The following DND1 variants were observed in gnomAD, a reference collection of about 807,000 sequenced individuals.
DND1 encodes DND microRNA-mediated repression inhibitor 1.
A neutral mutation model predicts 30.4 loss-of-function variants in DND1; 6 were observed. The observed-to-expected ratio is 0.20, with a 90% CI of 0.11 to 0.39. The LOEUF is 0.39. DND1 is among the 10% of genes least tolerant of loss of function. The pLI, the probability that DND1 is intolerant of heterozygous loss-of-function variation, is 1.00. For missense variants in DND1, 358 were observed against 474.9 expected (o/e 0.75, Z 2.29); for synonymous variants, 178 against 210.4 (o/e 0.85, Z 1.33).
In DND1 at chr5:140,671,948, A is replaced by C. The variant is rs987232339; in HGVS notation, c.605-198T>G. ...GAGTATAACACACTGCTACCTTACA[A>C]GTTTCCTTGGAGAAGTACTGGTTAA... On this transcript the variant is annotated intron_variant, in intron 3 of 3. Transcript: ENST00000542735. 6.2e-5 allele frequency: 40 copies of C among 643,618 alleles called. 1 individual carries two copies. The African/African-American group carries it at 6.4e-4, about 10-fold the overall frequency. The allele number at this position is 643,618 out of a possible 1,614,324, so 39.9% of individuals were successfully genotyped here. A position where few individuals can be genotyped will look rare whatever the true frequency, so the allele number is the denominator to read the frequency against.
At chr5:140,673,079 C>A (rs1758137100) in intron 2 of DND1, 173 bp from the exon 3 acceptor site, 1 of 1,001,782 alleles carries the variant, frequency 1.0e-6, no homozygotes, top group Admixed American at 1.8e-5. Flanking sequence ...AGGGGGCTGG[C>A]ACAGAGTAGG....
chr5:140,671,951 T>C, intron 3 of DND1: 1 of 638,730 alleles, frequency 1.6e-6, no homozygotes. Context: ...CCTTACAAGT[T>C]TCCTTGGAGA....
chr5:140,673,128 T>G (rs1581496888), intron 2 of DND1, 143 bp downstream of exon 2: 3 of 1,069,732 alleles, frequency 2.8e-6, no homozygotes, highest in South Asian at 1.3e-5. Flanking sequence ...ACGGGGCGGG[T>G]GGACGTGGAG....
chr5:140,672,486 G>C lies in DND1; in HGVS notation c.563C>G (p.Ser188Trp), dbSNP rs1280463906. 6.9e-6 allele frequency: 11 copies of C among 1,604,464 alleles called. No individual in the cohort carries two copies. Among genetic ancestry groups the C allele is most frequent in the Non-Finnish European group, 8.5e-7 (1 of 1,177,698 alleles). The stretch of plus-strand genomic sequence containing the variant: ...TTTGGCCATGGCAGCGGCCCGGTGC[G>C]AGCTGAATTTGAGCAGAGCGATCTG... ...PGQIALLKFSSHRAAAMAKKA... is the reference protein window; with the variant it reads ...PGQIALLKFSWHRAAAMAKKA... The change falls in exon 3 of 4, where the codon TCG becomes TGG. Residue 188 changes from serine (S) to tryptophan (W), a missense_variant. Transcript: ENST00000542735.
Position 140,671,341 on chromosome 5 carries a change from GT to G in DND1, c.1013del (p.Asn338ThrfsTer26). Reference protein sequence around the residue: ...LLQALSESGANLLWSAGAEAG... With the variant: ...LLQALSESGAXLLWSAGAEAG... ...CCTCAGCCCCAGCAGACCACAGGAGGTTGGCCCCAGACTCACTGAGTGCCTG... is the reference window on the plus strand; with the variant it reads ...CCTCAGCCCCAGCAGACCACAGGAGGTGGCCCCAGACTCACTGAGTGCCTG... On this transcript the variant is annotated frameshift_variant, in exon 4 of 4. Coordinates refer to ENST00000542735, the MANE Select transcript of DND1 (RefSeq NM_194249.3). LOFTEE classifies it high-confidence loss of function. 6.4e-7 allele frequency: 1 copy of G among 1,573,104 alleles called. No individual in the cohort carries two copies. Among genetic ancestry groups the G allele is most frequent in the Non-Finnish European group, 8.7e-7 (1 of 1,146,522 alleles).
At chr5:140,671,852 C>G (rs1758085136) in intron 3 of DND1, 102 bp from the exon 4 acceptor site, 1 of 1,299,388 alleles carries the variant, frequency 7.7e-7, no homozygotes, top group African/African-American at 1.5e-5. Flanking sequence ...TTGTAGCCTT[C>G]CCATTTCCTG....
Position 140,672,649 on chromosome 5 carries a change from T to C in DND1, c.400A>G (p.Ser134Gly). Residue 134 changes from serine to glycine, a missense_variant, in exon 3 of 4, where the codon AGC becomes GGC. This residue lies in a region of DND1 where 120 missense variants were observed against 199.1 expected (regional missense o/e 0.60). Transcript: ENST00000542735. ...ACGCTCAGCTCACACTTCTCGGTGC[T>C]GCGGCACACGAGCAGCGGGCAGGAC... Reference protein sequence around the residue: ...RPSCPLLVCRSTEKCELSVDG... With the variant: ...RPSCPLLVCRGTEKCELSVDG... 1 of 1,572,896 alleles carries C rather than the reference T, an allele frequency of 6.4e-7. No individual in the cohort carries two copies. The highest frequency in any genetic ancestry group is 8.6e-7 in the Non-Finnish European group (1 of 1,167,758).
chr5:140,673,198 A>G, intron 2 of DND1, 73 bp downstream of exon 2: 2 of 1,525,904 alleles, frequency 1.3e-6, no homozygotes. Flanking sequence ...TCTGACAGTG[A>G]AGGCTCGGAG....
rs1407644381 is a variant in DND1 at position 140,672,871 on chromosome 5, C to T, written c.178G>A (p.Val60Met). 1.3e-6 allele frequency: 2 copies of T among 1,541,284 alleles called. No homozygotes were observed. Among genetic ancestry groups the T allele is most frequent in the Non-Finnish European group, 1.7e-6 (2 of 1,149,048 alleles). ...TCCTGAGGCAGCCGCCCGATGAACA[C>T]CTCTGACCCAGCTGGCGGCGGGCTG... is the stretch of plus-strand genomic sequence containing the variant. ...VGSPPPAGSE[V>M]FIGRLPQDVY... The change falls in exon 3 of 4, where the codon GTG becomes ATG. Residue 60 changes from valine (V) to methionine (M), a missense_variant. Physicochemically the swap from Val to Met is conservative, Grantham distance 21. Around this residue, in one of 3 missense-constraint regions of DND1, gnomAD observed 120 missense variants for 199.1 expected, o/e 0.60. Coordinates refer to ENST00000542735, the MANE Select transcript of DND1 (RefSeq NM_194249.3).
chr5:140,671,102 C>G lies in DND1; in HGVS notation c.*191G>C, dbSNP rs73791745. ...GGGAGCGGGAGGGCAAGGCCCCTCA[C>G]CACAACTTAACCCAAACCTAAGCTG... On this transcript the variant is annotated 3_prime_UTR_variant, in exon 4 of 4. Transcript: ENST00000542735. The G allele has an allele frequency of 2.2e-3, 1,639 of 730,394 alleles. 16 individuals carry two copies. The African/African-American group carries it at 0.027, about 12-fold the overall frequency. 45.2% of individuals were successfully genotyped at this position (730,394 alleles called of 1,614,324 possible).
Position 140,671,488 on chromosome 5 carries a change from C to T in DND1, c.867G>A (p.Trp289Ter), listed in dbSNP as rs1416886356. Residue 289 changes from tryptophan (W) to a stop codon, truncating the protein, a stop_gained, in exon 4 of 4, where the codon TGG becomes TGA. Coordinates refer to ENST00000542735, the MANE Select transcript of DND1 (RefSeq NM_194249.3). LOFTEE classifies it high-confidence loss of function. Reference sequence around the variant, plus strand: ...GATGCCCAGGAATCACCACCTGGTACCAGAAGCGGTGCCAGCCAGCAGGTC... The same window carrying T: ...GATGCCCAGGAATCACCACCTGGTATCAGAAGCGGTGCCAGCCAGCAGGTC... ...GIGPAGWHRF[W>*]YQVVIPGHPV... 1 of 1,600,218 alleles carries T rather than the reference C, an allele frequency of 6.2e-7. No homozygotes were observed. Among genetic ancestry groups the T allele is most frequent in the African/African-American group, 1.3e-5 (1 of 74,448 alleles).
At chr5:140,673,444 C>T (rs1328000954) in intron 1 of DND1, 56 bp from the exon 2 acceptor site, 1 of 1,613,628 alleles carries the variant, frequency 6.2e-7, no homozygotes, top group East Asian at 2.2e-5. Context: ...CCCACCTCTC[C>T]TGTGGTACTG....
In DND1 at chr5:140,671,228, G is replaced by A; in HGVS notation, c.*65C>T. 2 of 1,602,148 alleles carry A rather than the reference G, an allele frequency of 1.2e-6. No individual in the cohort carries two copies. Among genetic ancestry groups the A allele is most frequent in the African/African-American group, 1.3e-5 (1 of 74,876 alleles). On this transcript the variant is annotated 3_prime_UTR_variant, in exon 4 of 4. Coordinates refer to ENST00000542735, the MANE Select transcript of DND1 (RefSeq NM_194249.3). ...GGTCAGAAAGTGGCCACCCAGGCCT[G>A]CTGGGATGGGGCCTGACACAGGCTC...
At chr5:140,673,166 T>C (rs564827967) in intron 2 of DND1, 105 bp downstream of exon 2, 148 of 1,323,178 alleles carry the variant, frequency 1.1e-4, no homozygotes, top group Non-Finnish European at 1.6e-4. Context: ...CTGGGGGGTA[T>C]AAATCCGGGT....
chr5:140,672,236 C>G, intron 3 of DND1: 1 of 612,776 alleles, frequency 1.6e-6, no homozygotes, highest in Non-Finnish European at 2.9e-6. Context: ...AGAATTAAGT[C>G]AGGAGGTAAT....
intron 1 of DND1, 53 bp downstream of exon 1, chr5:140,673,466 G>C: frequency 6.2e-7 from 1 of 1,612,768 alleles, no homozygotes; most frequent in Non-Finnish European, 8.5e-7. Flanking sequence ...GGTCCCTAAA[G>C]CCGACCCCCG....
intron 2 of DND1, 127 bp from the exon 3 acceptor site, chr5:140,673,033 C>G: frequency 8.5e-7 from 1 of 1,178,694 alleles, no homozygotes; most frequent in South Asian, 1.3e-5. Context: ...CACCCGTACC[C>G]TGGGTGGTTG....
intron 3 of DND1, 126 bp from the exon 4 acceptor site, chr5:140,671,876 G>C (rs1581494901): frequency 9.1e-7 from 1 of 1,099,314 alleles, no homozygotes; most frequent in East Asian, 2.6e-5. Context: ...GTGTGACCAT[G>C]GGTAAGAAAA....
rs778003256 is a variant in DND1, at chr5:140,672,522, G to C, written c.527C>G (p.Pro176Arg). The change falls in exon 3 of 4, where the codon CCG (proline) becomes CGG (arginine). Residue 176 changes from proline (P) to arginine (R), a missense_variant. Transcript: ENST00000542735. ...QEARLLPSPG[P>R]APGQIALLKF... is the part of the protein sequence containing the mutation. ...GAGCAGAGCGATCTGCCCGGGCGCCGGTCCGGGGCTGGGCAGCAGCCGCGC... is the reference window on the plus strand; with the variant it reads ...GAGCAGAGCGATCTGCCCGGGCGCCCGTCCGGGGCTGGGCAGCAGCCGCGC... The C allele has an allele frequency of 1.9e-6, 3 of 1,593,262 alleles. No homozygotes were observed. Among genetic ancestry groups the C allele is most frequent in the East Asian group, 2.3e-5 (1 of 44,256 alleles).
Sources: allele counts gnomAD v4.1 joint callset, GRCh38; gene constraint gnomAD v4.1.1; regional missense constraint gnomAD v4.1.1; transcripts MANE v1.5; gene names NCBI Gene and HGNC (gene_info 2026-07-23, HGNC 2026-07-21).